The following ZNF354B variants were observed in gnomAD, a reference collection of about 807,000 sequenced individuals.
The protein encoded by ZNF354B is zinc finger protein 354B.
A neutral mutation model predicts 12.9 loss-of-function variants in ZNF354B; 10 were observed. The ratio of observed to expected loss-of-function variants is 0.77; its 90% CI spans 0.48 to 1.31. ZNF354B has a LOEUF of 1.31. ZNF354B is among the 40% of genes most tolerant of loss of function. The pLI, the probability that ZNF354B is intolerant of heterozygous loss-of-function variation, is 0.00. For missense variants in ZNF354B, 614 were observed against 711.7 expected (o/e 0.86, Z 1.56); for synonymous variants, 260 against 243.7 (o/e 1.07, Z -0.62).
At chr5:178,862,384 T>TTTTTTGG (rs1491352820) in intron 2 of ZNF354B, among the ~76,000 whole-genome samples, 1 of 135,898 alleles carries the variant, frequency 7.4e-6, no homozygotes, top group Non-Finnish European at 1.6e-5. Flanking sequence ...TTTTTTTTTT[T>TTTTTTGG]GAGAGGCAGT....
chr5:178,881,761 T>C (rs6859174), intron 4 of ZNF354B, among the ~76,000 whole-genome samples: 22,581 of 152,056 alleles, frequency 0.15, 2,061 homozygotes, highest in African/African-American at 0.25. Context: ...CTCCTGCCTC[T>C]GCCTCCCGAG....
intron 1 of ZNF354B, among the ~76,000 whole-genome samples, chr5:178,860,328 G>A (rs1427161128): frequency 7.1e-6 from 1 of 140,638 alleles, no homozygotes; most frequent in Non-Finnish European, 1.6e-5. Flanking sequence ...GGCTCGCGCC[G>A]CCCGCCGTGA....
At chr5:178,869,280 C>A (rs1234736049) in intron 4 of ZNF354B, among the ~76,000 whole-genome samples, 1 of 152,198 alleles carries the variant, frequency 6.6e-6, no homozygotes, top group African/African-American at 2.4e-5. Flanking sequence ...GCTTTGGTCC[C>A]CATAGCCCCT....
chr5:178,864,601 A>T (rs1008521167), intron 2 of ZNF354B, among the ~76,000 whole-genome samples: 9 of 152,018 alleles, frequency 5.9e-5, no homozygotes, highest in African/African-American at 2.2e-4. Context: ...TGAATGTTTC[A>T]ATAGTTTTTT....
intron 2 of ZNF354B, among the ~76,000 whole-genome samples, chr5:178,861,478 G>T (rs1757347359): frequency 6.6e-6 from 1 of 152,076 alleles, no homozygotes; most frequent in African/African-American, 2.4e-5. Context: ...CCTTCCCCAG[G>T]CTTCTCCAAC....
At chr5:178,868,926 C>A (rs1043976594) in intron 4 of ZNF354B, among the ~76,000 whole-genome samples, 1 of 150,274 alleles carries the variant, frequency 6.7e-6, no homozygotes, top group East Asian at 2.0e-4. Context: ...GAGCCGAGAT[C>A]GCGCCACTGC....
chr5:178,875,889 G>C (rs61295075), intron 4 of ZNF354B, among the ~76,000 whole-genome samples: 22,580 of 152,148 alleles, frequency 0.15, 2,062 homozygotes, highest in African/African-American at 0.25. Context: ...TCCTTCCTCA[G>C]GGAAGACAGA....
At chr5:178,864,178 C>G (rs372367409) in intron 2 of ZNF354B, among the ~76,000 whole-genome samples, 1 of 152,234 alleles carries the variant, frequency 6.6e-6, no homozygotes, top group Non-Finnish European at 1.5e-5. Flanking sequence ...CAGGCGACTT[C>G]CAGTCCTGGA....
chr5:178,872,948 AG>A (rs1418314891), intron 4 of ZNF354B, among the ~76,000 whole-genome samples: 1 of 151,966 alleles, frequency 6.6e-6, no homozygotes, highest in Non-Finnish European at 1.5e-5. Flanking sequence ...CACCACACCC[AG>A]CTAATTTTTG....
At chr5:178,869,167 C>T (rs1684315972) in intron 4 of ZNF354B, among the ~76,000 whole-genome samples, 1 of 152,112 alleles carries the variant, frequency 6.6e-6, no homozygotes, top group Non-Finnish European at 1.5e-5. Context: ...GCTGCCAGCG[C>T]ATGTGAGGAA....
intron 2 of ZNF354B, among the ~76,000 whole-genome samples, chr5:178,862,286 T>C (rs1188950025): frequency 6.6e-6 from 1 of 151,736 alleles, no homozygotes; most frequent in Non-Finnish European, 1.5e-5. Context: ...CACCCAGTCG[T>C]CCCTGTGGTG....
Position 178,884,340 on chromosome 5 carries a change from A to G in ZNF354B, c.*49A>G, listed in dbSNP as rs771404130. ...GAGAATACATGCTTGAGAGTGATTTATTAAATATAATGAATATGAGAAAAC... is the reference window on the plus strand; with the variant it reads ...GAGAATACATGCTTGAGAGTGATTTGTTAAATATAATGAATATGAGAAAAC... On this transcript the variant is annotated 3_prime_UTR_variant, in exon 5 of 5. Coordinates refer to ENST00000322434, the MANE Select transcript of ZNF354B (RefSeq NM_058230.3). The G allele has an allele frequency of 5.3e-6, 8 of 1,510,496 alleles. No individual in the cohort carries two copies. The highest frequency in any genetic ancestry group is 7.1e-6 in the Non-Finnish European group (8 of 1,129,660). The allele number at this position is 1,510,496 out of a possible 1,614,324, so 93.6% of individuals were successfully genotyped here. A position where few individuals can be genotyped will look rare whatever the true frequency, so the allele number is the denominator to read the frequency against.
chr5:178,882,292 G>A (rs1757729145), intron 4 of ZNF354B, among the ~76,000 whole-genome samples: 1 of 152,192 alleles, frequency 6.6e-6, no homozygotes, highest in African/African-American at 2.4e-5. Context: ...GTACACAGAG[G>A]AGTTAACATT....
At chr5:178,866,163 G>A in intron 2 of ZNF354B, 81 bp from the exon 3 acceptor site, 4 of 1,563,230 alleles carry the variant, frequency 2.6e-6, no homozygotes, top group Non-Finnish European at 3.5e-6. Flanking sequence ...AGTGTTTCAC[G>A]GGTAGCGTGT....
intron 2 of ZNF354B, among the ~76,000 whole-genome samples, chr5:178,861,881 C>T (rs1201819852): frequency 2.0e-5 from 3 of 152,134 alleles, no homozygotes; most frequent in African/African-American, 7.2e-5. Flanking sequence ...CACCTCCCAG[C>T]GTAGATGAAG....
chr5:178,865,471 G>T (rs1757432880), intron 2 of ZNF354B, among the ~76,000 whole-genome samples: 1 of 152,096 alleles, frequency 6.6e-6, no homozygotes, highest in Non-Finnish European at 1.5e-5. Context: ...GTTTCACCAT[G>T]TTGGCCAGGA....
Position 178,882,739 on chromosome 5 carries a change from C to G in ZNF354B, c.287C>G (p.Ser96Ter). Residue 96 changes from serine to a stop codon, truncating the protein, a stop_gained, in exon 5 of 5, where the codon TCA (serine) becomes TGA (stop). Coordinates refer to ENST00000322434, the MANE Select transcript of ZNF354B (RefSeq NM_058230.3). LOFTEE classifies it low-confidence loss of function (END_TRUNC). ...AAGAGCACACCTAAAATGACAAAGT[C>G]AACTCAAACTCAGGATTCATTTCAG... is the stretch of plus-strand genomic sequence containing the variant. Reference protein sequence around the residue: ...GCKSTPKMTKSTQTQDSFQEQ... With the variant: ...GCKSTPKMTK 1 of 1,569,452 alleles carries G rather than the reference C, an allele frequency of 6.4e-7. No homozygotes were observed.
intron 2 of ZNF354B, among the ~76,000 whole-genome samples, chr5:178,861,346 A>C (rs1480256295): frequency 6.6e-5 from 10 of 151,590 alleles, no homozygotes; most frequent in Admixed American, 6.6e-4. Flanking sequence ...TCTGTCTGTC[A>C]CTAAGAGCAA....
chr5:178,866,574 A>G (rs1359545339), intron 3 of ZNF354B, among the ~76,000 whole-genome samples: 1 of 152,142 alleles, frequency 6.6e-6, no homozygotes, highest in Non-Finnish European at 1.5e-5. Flanking sequence ...GTGGGTATTG[A>G]TAATTATCCC....
Sources: allele counts gnomAD v4.1 joint callset (sites outside exome capture counted in the v4.1 genomes callset), GRCh38; gene constraint gnomAD v4.1.1; transcripts MANE v1.5; gene names NCBI Gene and HGNC (gene_info 2026-07-23, HGNC 2026-07-21).